The following DNAAF11 variants were observed in gnomAD, a reference collection of about 807,000 sequenced individuals.
The protein encoded by DNAAF11 is leucine rich repeat containing 6.
DNAAF11 carries 45 observed loss-of-function variants against 60.8 expected under a neutral mutation model. The ratio of observed to expected loss-of-function variants is 0.74; its 90% CI spans 0.58 to 0.95. DNAAF11 has a LOEUF of 0.95. DNAAF11 is among the 40% of genes least tolerant of loss of function. The pLI is 0.00. For missense variants in DNAAF11, 546 were observed against 546.2 expected (o/e 1.00, Z 0.00); for synonymous variants, 191 against 183.5 (o/e 1.04, Z -0.33).
chr8:132,654,374 A>C (rs954451515), intron 3 of DNAAF11, among the ~76,000 whole-genome samples: 5 of 152,032 alleles, frequency 3.3e-5, no homozygotes, highest in African/African-American at 1.2e-4. Flanking sequence ...AACAATTAGA[A>C]TATCAGCAAG....
At chr8:132,586,958 T>C (rs1815966675) in intron 10 of DNAAF11, among the ~76,000 whole-genome samples, 1 of 152,164 alleles carries the variant, frequency 6.6e-6, no homozygotes. Flanking sequence ...CTTAATATTT[T>C]AACTCCTTTA....
At chr8:132,593,357 A>ATATATT (rs1816675487) in intron 10 of DNAAF11, among the ~76,000 whole-genome samples, 3 of 144,502 alleles carry the variant, frequency 2.1e-5, no homozygotes, top group African/African-American at 7.6e-5. Context: ...ATATATATAT[A>ATATATT]TATATTTATA....
intron 7 of DNAAF11, among the ~76,000 whole-genome samples, chr8:132,616,366 C>A (rs745493583): frequency 1.3e-5 from 2 of 152,054 alleles, no homozygotes; most frequent in Admixed American, 1.3e-4. Flanking sequence ...AGGAGGCCAA[C>A]AGATAAACCA....
chr8:132,635,535 G>A (rs192403068), intron 4 of DNAAF11, among the ~76,000 whole-genome samples: 18 of 152,262 alleles, frequency 1.2e-4, no homozygotes, highest in South Asian at 2.1e-4. Context: ...ACACTGGGAA[G>A]AAAAACCTTG....
At chr8:132,675,349 C>A in intron 1 of DNAAF11, 135 bp downstream of exon 1, 1 of 906,210 alleles carries the variant, frequency 1.1e-6, no homozygotes, top group South Asian at 1.9e-5. Context: ...TGCGGAGGGC[C>A]GGGTGGGGTT....
At chr8:132,593,503 T>C (rs1484599543) in intron 10 of DNAAF11, among the ~76,000 whole-genome samples, 2 of 151,200 alleles carry the variant, frequency 1.3e-5, no homozygotes, top group Admixed American at 6.6e-5. Flanking sequence ...TCTTCCCAGA[T>C]TGACCTACAG....
intron 2 of DNAAF11, among the ~76,000 whole-genome samples, chr8:132,660,657 C>T (rs1380089653): frequency 6.6e-6 from 1 of 152,178 alleles, no homozygotes; most frequent in African/African-American, 2.4e-5. Flanking sequence ...GGAAGGAAGA[C>T]CAATTTATCT....
At chr8:132,579,222 G>A (rs1367310867) in intron 11 of DNAAF11, among the ~76,000 whole-genome samples, 1 of 152,198 alleles carries the variant, frequency 6.6e-6, no homozygotes, top group East Asian at 1.9e-4. Context: ...TTCCTAGGCA[G>A]TGGAGTGTGA....
At chr8:132,605,656 G>C (rs988929184) in intron 10 of DNAAF11, among the ~76,000 whole-genome samples, 3 of 152,136 alleles carry the variant, frequency 2.0e-5, no homozygotes, top group Non-Finnish European at 4.4e-5. Flanking sequence ...CTGTACAGCA[G>C]GAACAGGAGA....
At chr8:132,691,747 C>A in the DNAAF11 span, among the ~76,000 whole-genome samples, 1 of 152,078 alleles carries the variant, frequency 6.6e-6, no homozygotes, top group East Asian at 1.9e-4. Context: ...GGGGAAACCA[C>A]CCCCATCATC....
intron 5 of DNAAF11, among the ~76,000 whole-genome samples, chr8:132,626,262 A>G (rs956688653): frequency 7.9e-5 from 12 of 152,158 alleles, no homozygotes; most frequent in Non-Finnish European, 1.3e-4. Flanking sequence ...CGTGTTAGCC[A>G]GGATGGTCTC....
chr8:132,601,894 A>C (rs1817660872), intron 10 of DNAAF11, among the ~76,000 whole-genome samples: 1 of 152,146 alleles, frequency 6.6e-6, no homozygotes, highest in African/African-American at 2.4e-5. Context: ...TACGTTGTGC[A>C]CATGTGCCCT....
At chr8:132,693,661 G>A in the DNAAF11 span, among the ~76,000 whole-genome samples, 4,446 of 151,954 alleles carry the variant, frequency 0.029, 252 homozygotes, top group African/African-American at 0.1. Flanking sequence ...TATTGGGGTG[G>A]GGGAAAGCAA....
chr8:132,638,836 A>T (rs1236060030), intron 3 of DNAAF11, among the ~76,000 whole-genome samples: 1 of 152,236 alleles, frequency 6.6e-6, no homozygotes, highest in East Asian at 1.9e-4. Flanking sequence ...TTGAATTTGA[A>T]TTAATCCCCT....
intron 3 of DNAAF11, among the ~76,000 whole-genome samples, chr8:132,655,951 G>C (rs1823521480): frequency 1.3e-5 from 2 of 152,212 alleles, no homozygotes; most frequent in South Asian, 4.1e-4. Flanking sequence ...CAACTTGGCA[G>C]TATCTTTCCA....
At chr8:132,616,691 A>G (rs1045751555) in intron 7 of DNAAF11, among the ~76,000 whole-genome samples, 5 of 152,140 alleles carry the variant, frequency 3.3e-5, no homozygotes, top group African/African-American at 1.2e-4. Flanking sequence ...TCTTATATCC[A>G]CCCAGTGATG....
chr8:132,657,209 T>C (rs925726105), intron 2 of DNAAF11, among the ~76,000 whole-genome samples: 1 of 152,150 alleles, frequency 6.6e-6, no homozygotes, highest in African/African-American at 2.4e-5. Context: ...CTCTTGCTAG[T>C]GGTGGCTCAG....
At chr8:132,631,122 G>A (rs927742043) in intron 5 of DNAAF11, among the ~76,000 whole-genome samples, 1 of 152,174 alleles carries the variant, frequency 6.6e-6, no homozygotes, top group African/African-American at 2.4e-5. Context: ...TATTTATTGG[G>A]CATCTTCTGT....
At chr8:132,635,739 C>T (rs1821230639) in intron 4 of DNAAF11, among the ~76,000 whole-genome samples, 1 of 152,168 alleles carries the variant, frequency 6.6e-6, no homozygotes, top group Admixed American at 6.5e-5. Flanking sequence ...CCCCCAGTAG[C>T]TCAAATCAGG....
Sources: allele counts gnomAD v4.1 joint callset (sites outside exome capture counted in the v4.1 genomes callset), GRCh38; gene constraint gnomAD v4.1.1; transcripts MANE v1.5; gene names NCBI Gene and HGNC (gene_info 2026-07-23, HGNC 2026-07-21).